The following MAP3K15 variants were observed in gnomAD, a reference collection of about 807,000 sequenced individuals.
The protein encoded by MAP3K15 is MAPK/ERK kinase kinase 15.
A neutral mutation model predicts 99.5 loss-of-function variants in MAP3K15; 124 were observed. The observed-to-expected ratio is 1.25, with a 90% CI of 1.08 to 1.45. The LOEUF is 1.45. Ranked by LOEUF, MAP3K15 falls within the 40% of genes most tolerant of loss-of-function variation. The pLI is 0.00. For synonymous variants in MAP3K15, 494 were observed against 439.6 expected (o/e 1.12, Z -1.55); for missense variants, 1,242 against 1,079.7 (o/e 1.15, Z -2.11).
chrX:19,361,296 A>C (rs1289721589), intron 28 of MAP3K15, 43 bp downstream of exon 28: 25 of 1,065,270 alleles, frequency 2.3e-5, no homozygotes, highest in Non-Finnish European at 3.1e-5. Flanking sequence ...ATTCACACAT[A>C]AAAAGTTGTA....
intron 18 of MAP3K15, among the ~76,000 whole-genome samples, chrX:19,384,735 A>C (rs2063482136): frequency 1.2e-5 from 1 of 80,452 alleles, no homozygotes; most frequent in Non-Finnish European, 2.2e-5. Context: ...TGGGAGTGAG[A>C]CCTTGTCTCA....
At chrX:19,487,781 G>C (rs754798201) in intron 2 of MAP3K15, among the ~76,000 whole-genome samples, 1 of 111,635 alleles carries the variant, frequency 9.0e-6, no homozygotes, top group African/African-American at 3.3e-5. Context: ...TAAATCTCAA[G>C]AAACACAATG....
intron 13 of MAP3K15, among the ~76,000 whole-genome samples, chrX:19,401,500 T>G (rs1311868965): frequency 8.9e-6 from 1 of 111,783 alleles, no homozygotes; most frequent in Middle Eastern, 4.2e-3. Context: ...CCTCTTGTAT[T>G]ATTCTTGAAG....
chrX:19,502,701 A>T (rs746337253), intron 1 of MAP3K15, among the ~76,000 whole-genome samples: 1 of 111,603 alleles, frequency 9.0e-6, no homozygotes, highest in African/African-American at 3.3e-5. Context: ...CATGCCTGTA[A>T]TGCCAGCTAC....
At chrX:19,368,644 C>T (rs896789820) in intron 25 of MAP3K15, among the ~76,000 whole-genome samples, 16 of 111,597 alleles carry the variant, frequency 1.4e-4, no homozygotes, top group African/African-American at 5.2e-4. Context: ...TGTACATCCA[C>T]TGATGAAGTG....
At chrX:19,412,920 T>C (rs1280199966) in intron 11 of MAP3K15, among the ~76,000 whole-genome samples, 1 of 108,858 alleles carries the variant, frequency 9.2e-6, no homozygotes, top group African/African-American at 3.4e-5. Context: ...ATTTATTTTT[T>C]ATAGAGACGG....
chrX:19,434,976 T>C (rs1048749696), intron 6 of MAP3K15, among the ~76,000 whole-genome samples: 1 of 112,314 alleles, frequency 8.9e-6, no homozygotes, highest in Non-Finnish European at 1.9e-5. Context: ...TAGAATCTAA[T>C]TGAACTAACC....
intron 6 of MAP3K15, among the ~76,000 whole-genome samples, chrX:19,446,475 T>C (rs1018109375): frequency 1.8e-5 from 2 of 111,850 alleles, no homozygotes; most frequent in African/African-American, 6.5e-5. Context: ...TTTGGTGACC[T>C]GCCTAAGGCC....
chrX:19,472,569 C>T (rs1360574612), intron 3 of MAP3K15, among the ~76,000 whole-genome samples: 1 of 111,098 alleles, frequency 9.0e-6, no homozygotes, highest in African/African-American at 3.3e-5. Flanking sequence ...AACTTGAATC[C>T]ACAGGAACAA....
chrX:19,510,047 A>G (rs183942997), intron 1 of MAP3K15, among the ~76,000 whole-genome samples: 3 of 111,994 alleles, frequency 2.7e-5, no homozygotes, highest in African/African-American at 6.5e-5. Flanking sequence ...AAAACCAGGA[A>G]GAAGTCAAAT....
Position 19,361,545 on chromosome X carries a change from T to C in MAP3K15, c.3728A>G (p.Glu1243Gly). 1 of 1,211,719 alleles carries C rather than the reference T, an allele frequency of 8.3e-7. No homozygotes were observed. Among genetic ancestry groups the C allele is most frequent in the Non-Finnish European group, 1.1e-6 (1 of 895,248 alleles). ...TTGCAGCCGCAACCAGTCTATAAGC[T>C]CTTTATCTGTTCTCTGCCCGTAGGG... ...AGPYGQRTDK[E>G]LIDWLRLQGA... Residue 1243 changes from glutamate (E) to glycine (G), a missense_variant, in exon 27 of 29, where the codon GAG (glutamate) becomes GGG (glycine). Physicochemically the swap from Glu to Gly is moderately conservative, Grantham distance 98. Coordinates refer to ENST00000338883, the MANE Select transcript of MAP3K15 (RefSeq NM_001001671.4).
intron 19 of MAP3K15, among the ~76,000 whole-genome samples, chrX:19,377,885 A>G (rs1336139368): frequency 8.9e-6 from 1 of 112,409 alleles, no homozygotes; most frequent in Non-Finnish European, 1.9e-5. Context: ...GATTGCAGGT[A>G]TCAGAAGACT....
Position 19,455,492 on chromosome X carries a change from A to G in MAP3K15, c.995+1421T>C, listed in dbSNP as rs186376228. Among the ~76,000 whole-genome samples the G allele has an allele frequency of 5.6e-3, 562 of 99,664 alleles. 1 individual carries two copies. The highest frequency in any genetic ancestry group is 8.2e-3 in the Non-Finnish European group (410 of 50,067). The allele number at this position is 99,664 out of a possible 115,157, so 86.5% of individuals were successfully genotyped here. ...CCTGAGTAGCTGAGAGACTACAAGC[A>G]CAAGCCATCATGCCTGGCTAATTTT... is the stretch of plus-strand genomic sequence containing the variant. On this transcript the variant is annotated intron_variant, in intron 6 of 28. Transcript: ENST00000338883.
chrX:19,388,519 C>A (rs778353127), intron 18 of MAP3K15, among the ~76,000 whole-genome samples: 1 of 112,145 alleles, frequency 8.9e-6, no homozygotes, highest in Non-Finnish European at 1.9e-5. Flanking sequence ...TAAGTACAAG[C>A]GAGTATTTAA....
intron 18 of MAP3K15, among the ~76,000 whole-genome samples, chrX:19,384,768 A>AC (rs1421576960): frequency 9.5e-6 from 1 of 105,480 alleles, no homozygotes; most frequent in African/African-American, 3.5e-5. Context: ...AAAAAAAAAA[A>AC]AAAAAAAAAA....
intron 16 of MAP3K15, among the ~76,000 whole-genome samples, chrX:19,394,360 G>A: frequency 9.1e-6 from 1 of 110,481 alleles, no homozygotes; most frequent in Non-Finnish European, 1.9e-5. Context: ...CAATTTTACA[G>A]TTCATTTATT....
At chrX:19,469,005 G>C (rs1225349438) in intron 3 of MAP3K15, among the ~76,000 whole-genome samples, 6 of 111,454 alleles carry the variant, frequency 5.4e-5, no homozygotes, top group Non-Finnish European at 1.1e-4. Flanking sequence ...AGCTTAAGGA[G>C]ATTTTGGGCT....
chrX:19,418,581 C>T (rs979182818), intron 9 of MAP3K15, among the ~76,000 whole-genome samples: 22 of 110,960 alleles, frequency 2.0e-4, no homozygotes, highest in Non-Finnish European at 3.4e-4. Flanking sequence ...CTGAAAGTGA[C>T]AGAGAGAATG....
At chrX:19,441,442 T>TA (rs34306041) in intron 6 of MAP3K15, among the ~76,000 whole-genome samples, 7,024 of 110,296 alleles carry the variant, frequency 0.064, 252 homozygotes, top group Non-Finnish European at 0.11. Flanking sequence ...CCGAATATGC[T>TA]AAAAAAACCC....
Sources: gnomAD v4.1 joint callset for allele counts (sites outside exome capture counted in the v4.1 genomes callset) on GRCh38, gnomAD v4.1.1 for gene constraint, MANE v1.5 for transcripts, NCBI Gene and HGNC (gene_info 2026-07-23, HGNC 2026-07-21) for gene names.